CRTAP: variants seen among roughly 807,000 people sequenced by gnomAD.
The protein encoded by CRTAP is cartilage-associated protein.
Under a neutral mutation model 42.7 loss-of-function variants are expected in CRTAP, and 33 were observed. The ratio of observed to expected loss-of-function variants is 0.77; its 90% CI spans 0.59 to 1.03. The LOEUF (loss-of-function observed/expected upper bound fraction) is 1.03. CRTAP is among the 50% of genes least tolerant of loss of function. The probability of loss-of-function intolerance (pLI) is 0.00; values close to 1 mark genes in which losing one functional copy is unlikely to be tolerated. For synonymous variants in CRTAP, 243 were observed against 217.7 expected (o/e 1.12, Z -1.02); for missense variants, 613 against 533.9 (o/e 1.15, Z -1.46).
At chr3:33,122,786 A>G (rs1358871152) in intron 2 of CRTAP, among the ~76,000 whole-genome samples, 1 of 151,350 alleles carries the variant, frequency 6.6e-6, no homozygotes, top group African/African-American at 2.4e-5. Context: ...TGAAAATTCT[A>G]GGTCTAAGGG....
chr3:33,143,162 A>G lies in CRTAP; in HGVS notation c.*714A>G. On this transcript the variant is annotated 3_prime_UTR_variant, in exon 7 of 7. Coordinates refer to ENST00000320954, the MANE Select transcript of CRTAP (RefSeq NM_006371.5). ...TAAATAAGAAAAACATTCCTAGAAG[A>G]TGATAATTGTGAAAACCTCCTTTGG... 6.6e-6 allele frequency: 1 copy of G among 152,264 alleles called. No individual in the cohort carries two copies. Among genetic ancestry groups the G allele is most frequent in the Non-Finnish European group, 1.5e-5 (1 of 68,060 alleles). 9.4% of individuals were successfully genotyped at this position (152,264 alleles called of 1,614,324 possible).
intron 4 of CRTAP, 149 bp downstream of exon 4, chr3:33,130,216 G>A: frequency 2.5e-6 from 2 of 806,422 alleles, no homozygotes; most frequent in Non-Finnish European, 4.1e-6. Flanking sequence ...AAGGCAGCAT[G>A]GCTTAGTGAT....
chr3:33,118,463 G>A (rs1400686406), intron 1 of CRTAP, among the ~76,000 whole-genome samples: 3 of 152,170 alleles, frequency 2.0e-5, no homozygotes, highest in Non-Finnish European at 4.4e-5. Context: ...CAAAACATCA[G>A]CATTGACATC....
At chr3:33,138,972 G>C (rs1430251042) in intron 6 of CRTAP, among the ~76,000 whole-genome samples, 1 of 152,066 alleles carries the variant, frequency 6.6e-6, no homozygotes, top group Non-Finnish European at 1.5e-5. Context: ...TCGAAATCTT[G>C]CTTTACTAAA....
In CRTAP at chr3:33,129,962, T is replaced by C. The variant is rs760809534; in HGVS notation, c.817T>C (p.Cys273Arg). The C allele has an allele frequency of 1.2e-6, 2 of 1,613,666 alleles. No individual in the cohort carries two copies. The highest frequency in any genetic ancestry group is 1.3e-5 in the African/African-American group (1 of 75,042). Reference protein sequence around the residue: ...IADHYVEVLECKIQCEENLTP... With the variant: ...IADHYVEVLERKIQCEENLTP... Reference sequence around the variant, plus strand: ...AGATCATTATGTAGAAGTTCTGGAATGCAAAATACAGTGTGAAGAGAACCT... The same window carrying C: ...AGATCATTATGTAGAAGTTCTGGAACGCAAAATACAGTGTGAAGAGAACCT... Residue 273 changes from cysteine (C) to arginine (R), a missense_variant, in exon 4 of 7, where the codon TGC becomes CGC. By Grantham distance (180) the Cys-to-Arg change is radical. Transcript: ENST00000320954.
At position 33,130,167 on chromosome 3, in the gene CRTAP, A is replaced by G. The variant is rs4392367; in HGVS notation, c.922+100A>G. 0.77 allele frequency: 957,064 copies of G among 1,240,172 alleles called. 371,199 individuals are homozygous for G. The highest frequency in any genetic ancestry group is 0.98 in the East Asian group (40,525 of 41,262). The allele number at this position is 1,240,172 out of a possible 1,614,324, so 76.8% of individuals were successfully genotyped here. ...TAGCTACGGTTGTTGAGAGTTCATC[A>G]AGGTCCACTGACAACCCTGGTGCTA... On this transcript the variant is annotated intron_variant, in intron 4 of 6. Transcript: ENST00000320954.
Position 33,114,079 on chromosome 3 carries a change from TG to T in CRTAP, c.4del (p.Glu2?). On this transcript the variant is annotated frameshift_variant and start_lost, in exon 1 of 7. Transcript: ENST00000320954. LOFTEE classifies it high-confidence loss of function. Reference sequence around the variant, plus strand: ...CCTTCCTTCCTTTCGCCGGGCGCGATGGAGCCGGGGCGCCGGGGGGCCGCGG... The same window carrying T: ...CCTTCCTTCCTTTCGCCGGGCGCGATGAGCCGGGGCGCCGGGGGGCCGCGG... The part of the protein sequence containing the change: [M>X]EPGRRGAAAL... 6.9e-7 allele frequency: 1 copy of T among 1,458,796 alleles called. No individual in the cohort carries two copies. Among genetic ancestry groups the T allele is most frequent in the Non-Finnish European group, 9.0e-7 (1 of 1,111,932 alleles). 90.4% of individuals were successfully genotyped at this position (1,458,796 alleles called of 1,614,324 possible). A position where few individuals can be genotyped will look rare whatever the true frequency, so the allele number is the denominator to read the frequency against.
chr3:33,139,107 G>A (rs955168439), intron 6 of CRTAP, among the ~76,000 whole-genome samples: 5 of 152,112 alleles, frequency 3.3e-5, no homozygotes, highest in African/African-American at 1.2e-4. Flanking sequence ...TCACACCACT[G>A]TACTGTAGCC....
chr3:33,138,053 G>T lies in CRTAP; in HGVS notation c.1152+3788G>T, dbSNP rs114445731. Among the ~76,000 whole-genome samples, 640 of 151,886 alleles carry T rather than the reference G, an allele frequency of 4.2e-3. 6 individuals are homozygous for T. The highest frequency in any genetic ancestry group is 0.014 in the African/African-American group (591 of 41,432). ...ACTCTCAGTCTATACCACTCATCTTGATTTCTATCCTTAAAGTTAGTACTA... is the reference window on the plus strand; with the variant it reads ...ACTCTCAGTCTATACCACTCATCTTTATTTCTATCCTTAAAGTTAGTACTA... On this transcript the variant is annotated intron_variant, in intron 6 of 6. Transcript: ENST00000320954.
At chr3:33,131,479 C>A (rs921110699) in intron 4 of CRTAP, among the ~76,000 whole-genome samples, 2 of 152,146 alleles carry the variant, frequency 1.3e-5, no homozygotes, top group African/African-American at 4.8e-5. Context: ...TCTGGCAGCT[C>A]CCTGGGCCTC....
chr3:33,139,002 G>GC (rs1274391620), intron 6 of CRTAP, among the ~76,000 whole-genome samples: 1 of 152,160 alleles, frequency 6.6e-6, no homozygotes, highest in Non-Finnish European at 1.5e-5. Context: ...AAATTAGCTG[G>GC]GCGTGGTGGC....
intron 6 of CRTAP, among the ~76,000 whole-genome samples, chr3:33,141,007 TTTTTG>T (rs1307346494): frequency 1.3e-5 from 2 of 152,092 alleles, no homozygotes; most frequent in East Asian, 3.9e-4. Context: ...CTGCTGTTTT[TTTTTG>T]TTTTTGTTTT....
intron 6 of CRTAP, among the ~76,000 whole-genome samples, chr3:33,136,091 C>T (rs2030412347): frequency 6.6e-6 from 1 of 152,206 alleles, no homozygotes; most frequent in Non-Finnish European, 1.5e-5. Flanking sequence ...AGACTCTAAT[C>T]TACTTTCTGT....
intron 1 of CRTAP, among the ~76,000 whole-genome samples, chr3:33,119,570 A>G (rs1470318394): frequency 6.6e-6 from 1 of 152,078 alleles, no homozygotes; most frequent in Non-Finnish European, 1.5e-5. Flanking sequence ...TATGACGTTT[A>G]TTGCTGCATG....
rs201564256 is a variant in CRTAP, at chr3:33,114,523, A to G, written c.446A>G (p.Lys149Arg). 1,728 of 1,602,936 alleles carry G rather than the reference A, an allele frequency of 1.1e-3. 2 individuals carry two copies. Among genetic ancestry groups the G allele is most frequent in the Non-Finnish European group, 1.3e-3 (1,554 of 1,176,592 alleles). ...LADFQRREPY[K>R]FLQFAYFKAN... ...GACTTCCAGCGCCGCGAGCCCTACA[A>G]GTTCCTGCAGTTCGCTTACTTCAAG... The change falls in exon 1 of 7, where the codon AAG becomes AGG. Residue 149 changes from lysine (K) to arginine (R), a missense_variant. Physicochemically the swap from Lys to Arg is conservative, Grantham distance 26. Transcript: ENST00000320954.
chr3:33,116,470 T>A (rs1575513530), intron 1 of CRTAP, among the ~76,000 whole-genome samples: 1 of 152,214 alleles, frequency 6.6e-6, no homozygotes, highest in East Asian at 1.9e-4. Flanking sequence ...GCAATTCTTG[T>A]ATCTCAGCCT....
chr3:33,114,246 G>C lies in CRTAP; in HGVS notation c.169G>C (p.Gly57Arg). ...AYRHALDKYS[G>R]EHWAESVGYL... ...CCGGCACGCGCTGGACAAGTACAGC[G>C]GCGAGCACTGGGCCGAGAGCGTGGG... Residue 57 changes from glycine (G) to arginine (R), a missense_variant, in exon 1 of 7, where the codon GGC becomes CGC. By Grantham distance (125) the Gly-to-Arg change is moderately radical. Transcript: ENST00000320954. 3 of 1,589,124 alleles carry C rather than the reference G, an allele frequency of 1.9e-6. No individual in the cohort carries two copies. In the African/African-American group the frequency reaches 4.1e-5, roughly 21 times the overall value.
Position 33,130,021 on chromosome 3 carries a change from A to C in CRTAP, c.876A>C (p.Lys292Asn). Residue 292 changes from lysine to asparagine, a missense_variant, in exon 4 of 7, where the codon AAA (lysine) becomes AAC (asparagine). Coordinates refer to ENST00000320954, the MANE Select transcript of CRTAP (RefSeq NM_006371.5). ...TTATAGGAGGCTATCCGGTTGAGAA[A>C]TTTGTGGCTACCATGTATCATTACT... ...TPVIGGYPVEKFVATMYHYLQ... is the reference protein window; with the variant it reads ...TPVIGGYPVENFVATMYHYLQ... 1 of 1,613,902 alleles carries C rather than the reference A, an allele frequency of 6.2e-7. No homozygotes were observed. The highest frequency in any genetic ancestry group is 8.5e-7 in the Non-Finnish European group (1 of 1,179,792).
intron 5 of CRTAP, among the ~76,000 whole-genome samples, 184 bp downstream of exon 5, chr3:33,132,884 C>A (rs1312110482): frequency 6.6e-6 from 1 of 152,096 alleles, no homozygotes; most frequent in Non-Finnish European, 1.5e-5. Flanking sequence ...TCGAGACCAG[C>A]CTGGCCAACA....
Sources: allele counts gnomAD v4.1 joint callset (sites outside exome capture counted in the v4.1 genomes callset), GRCh38; gene constraint gnomAD v4.1.1; transcripts MANE v1.5; gene names NCBI Gene and HGNC (gene_info 2026-07-23, HGNC 2026-07-21).